RNF128: variants seen among roughly 807,000 people sequenced by gnomAD.
The protein encoded by RNF128 is ring finger protein 128.
RNF128 carries 13 observed loss-of-function variants against 26.2 expected under a neutral mutation model. That is an observed-to-expected ratio of 0.50 (90% CI 0.32 to 0.79). RNF128 has a LOEUF of 0.79. Ranked by LOEUF, RNF128 falls within the 30% of genes least tolerant of loss-of-function variation. The pLI is 0.03. For missense variants in RNF128, 315 were observed against 349.7 expected (o/e 0.90, Z 0.79); for synonymous variants, 149 against 142.5 (o/e 1.05, Z -0.32).
chrX:106,721,239 A>G (rs928548846), intron 1 of RNF128, among the ~76,000 whole-genome samples: 1 of 111,963 alleles, frequency 8.9e-6, no homozygotes, highest in Admixed American at 9.5e-5. Flanking sequence ...TCCCTTGTCT[A>G]CACATTCTCT....
At chrX:106,694,215 G>C in exon 1 of RNF128, 1 of 1,210,128 alleles carries the variant, frequency 8.3e-7, no homozygotes, top group African/African-American at 1.7e-5. Context: ...GCATCCCTAA[G>C]AACAATAACT....
At chrX:106,746,000 G>A (rs944629901) in intron 1 of RNF128, among the ~76,000 whole-genome samples, 4 of 111,335 alleles carry the variant, frequency 3.6e-5, no homozygotes, top group African/African-American at 1.3e-4. Flanking sequence ...TGAATATTTA[G>A]AAGTCCACTT....
chrX:106,773,201 C>T, intron 2 of RNF128, 41 bp downstream of exon 2: 1 of 1,156,535 alleles, frequency 8.6e-7, no homozygotes, highest in South Asian at 2.0e-5. Context: ...AAAAAATTTA[C>T]TGTTCTAATT....
Position 106,776,157 on chromosome X carries a change from A to G in RNF128, c.732+2997A>G, listed in dbSNP as rs1227151838. Among the ~76,000 whole-genome samples, 3 of 112,611 alleles carry G rather than the reference A, an allele frequency of 2.7e-5. No individual in the cohort carries two copies. In the Admixed American group the frequency reaches 2.8e-4, roughly 11 times the overall value. On this transcript the variant is annotated intron_variant, in intron 2 of 6. Transcript: ENST00000255499. ...GAAAGATTATGGGAAACCTTATGGC[A>G]TACACAAATTAAACTACATTCAGGA... is the stretch of plus-strand genomic sequence containing the variant.
chrX:106,742,947 A>G (rs1929728627), intron 1 of RNF128, among the ~76,000 whole-genome samples: 1 of 111,512 alleles, frequency 9.0e-6, no homozygotes, highest in African/African-American at 3.3e-5. Flanking sequence ...GTGTATATAT[A>G]CACATATATA....
rs151060315 is a variant in RNF128, at chrX:106,773,977, C to T, written c.732+817C>T. ...AGTTGCTGGAAAAACAAATCCAACC[C>T]TGGTTAAATTTACTTCCCACCTACT... On this transcript the variant is annotated intron_variant, in intron 2 of 6. Coordinates refer to ENST00000255499, the MANE Select transcript of RNF128 (RefSeq NM_194463.2). 1.5e-3 allele frequency among the ~76,000 whole-genome samples: 164 copies of T among 111,272 alleles called. 1 individual carries two copies. Among genetic ancestry groups the T allele is most frequent in the African/African-American group, 5.1e-3 (156 of 30,645 alleles).
At chrX:106,719,388 T>C (rs778904532) in intron 1 of RNF128, among the ~76,000 whole-genome samples, 15 of 111,530 alleles carry the variant, frequency 1.3e-4, no homozygotes, top group African/African-American at 4.2e-4. Context: ...ACTCAGCTAA[T>C]TTTTGTACTT....
intron 1 of RNF128, among the ~76,000 whole-genome samples, chrX:106,751,865 A>T (rs1296598393): frequency 9.1e-6 from 1 of 110,175 alleles, no homozygotes; most frequent in Non-Finnish European, 1.9e-5. Flanking sequence ...AATAAACATT[A>T]TTAGTAGCTA....
chrX:106,736,502 T>A (rs1602372921), intron 1 of RNF128, among the ~76,000 whole-genome samples: 2 of 111,652 alleles, frequency 1.8e-5, no homozygotes, highest in South Asian at 7.5e-4. Context: ...TGTGCTTCCT[T>A]CTATGTGATT....
At chrX:106,724,605 C>A (rs540314909), upstream of RNF128, among the ~76,000 whole-genome samples, 1 of 111,688 alleles carries the variant, frequency 9.0e-6, no homozygotes, top group East Asian at 2.8e-4. Flanking sequence ...ATTGTAGCTT[C>A]CTAACATTTC....
chrX:106,708,535 A>G (rs2147660287), intron 1 of RNF128, among the ~76,000 whole-genome samples: 1 of 112,446 alleles, frequency 8.9e-6, no homozygotes, highest in South Asian at 3.6e-4. Context: ...GTTTAATCTA[A>G]GTTTAAAATG....
At chrX:106,767,005 T>A (rs1930262462) in intron 1 of RNF128, among the ~76,000 whole-genome samples, 1 of 111,742 alleles carries the variant, frequency 8.9e-6, no homozygotes, top group Non-Finnish European at 1.9e-5. Context: ...TTGTCAGGTT[T>A]GTCAAAGATC....
chrX:106,784,448 G>A (rs983032760), intron 2 of RNF128, among the ~76,000 whole-genome samples: 4 of 111,760 alleles, frequency 3.6e-5, no homozygotes, highest in African/African-American at 1.3e-4. Flanking sequence ...TATGCTCAGT[G>A]AAACAATAAA....
At chrX:106,695,385 CTTATG>C (rs1928859909) in intron 1 of RNF128, among the ~76,000 whole-genome samples, 1 of 111,757 alleles carries the variant, frequency 8.9e-6, no homozygotes, top group African/African-American at 3.2e-5. Context: ...GAAAATCAAA[CTTATG>C]TTAAGAATAG....
intron 1 of RNF128, among the ~76,000 whole-genome samples, chrX:106,760,520 C>G (rs1265356575): frequency 4.5e-5 from 5 of 111,871 alleles, no homozygotes; most frequent in Admixed American, 2.8e-4. Context: ...AAAGGGAACT[C>G]TTATATACTT....
At chrX:106,730,228 A>T (rs1409412816) in intron 1 of RNF128, among the ~76,000 whole-genome samples, 5 of 112,423 alleles carry the variant, frequency 4.4e-5, no homozygotes, top group Admixed American at 1.9e-4. Flanking sequence ...AAATTTTTCA[A>T]AAGTTAATTG....
In RNF128 at chrX:106,785,331, G is replaced by T. The variant is rs905026910; in HGVS notation, c.804+195G>T. Among the ~76,000 whole-genome samples, 3 of 111,797 alleles carry T rather than the reference G, an allele frequency of 2.7e-5. No individual in the cohort carries two copies. In the Admixed American group the frequency reaches 2.9e-4, roughly 11 times the overall value. ...AAGATAACTATTCCCTTGAACCTGT[G>T]CATATTACCTTATATGGCAAAAAGG... On this transcript the variant is annotated intron_variant, in intron 3 of 6. Transcript: ENST00000255499.
chrX:106,710,041 A>G (rs2147660857), intron 1 of RNF128, among the ~76,000 whole-genome samples: 1 of 112,029 alleles, frequency 8.9e-6, no homozygotes, highest in South Asian at 3.8e-4. Flanking sequence ...CAAACACTCC[A>G]ATGTTCTAAA....
At chrX:106,743,628 A>G (rs1357518868) in intron 1 of RNF128, among the ~76,000 whole-genome samples, 1 of 112,555 alleles carries the variant, frequency 8.9e-6, no homozygotes, top group Non-Finnish European at 1.9e-5. Flanking sequence ...GTTTTGGTGT[A>G]GTATCAAAGG....
Sources: allele counts gnomAD v4.1 joint callset (sites outside exome capture counted in the v4.1 genomes callset), GRCh38; gene constraint gnomAD v4.1.1; transcripts MANE v1.5; gene names NCBI Gene and HGNC (gene_info 2026-07-23, HGNC 2026-07-21).